CYB561D1: variants seen among roughly 807,000 people sequenced by gnomAD.
CYB561D1 encodes the protein cytochrome b561 family member D1.
Under a neutral mutation model 19.2 loss-of-function variants are expected in CYB561D1, and 15 were observed. The observed-to-expected ratio is 0.78, with a 90% confidence interval of 0.52 to 1.20. CYB561D1 has a LOEUF of 1.20. CYB561D1 is among the 50% of genes most tolerant of loss of function. CYB561D1 has a pLI of 0.00. For missense variants in CYB561D1, 297 were observed against 287.3 expected (o/e 1.03, Z -0.24); for synonymous variants, 133 against 120.6 (o/e 1.10, Z -0.68).
intron 1 of CYB561D1, chr1:109,494,759 C>T: frequency 4.6e-6 from 2 of 430,208 alleles, no homozygotes; most frequent in South Asian, 4.2e-5. Flanking sequence ...ATCGCTTGAA[C>T]CCGGGAGGTG....
At position 109,500,291 on chromosome 1, in the gene CYB561D1, C is replaced by T. The variant is rs1403043388; in HGVS notation, c.*4032C>T. 6.6e-6 allele frequency: 1 copy of T among 152,282 alleles called. No homozygotes were observed. Among genetic ancestry groups the T allele is most frequent in the Non-Finnish European group, 1.5e-5 (1 of 68,064 alleles). 9.4% of individuals were successfully genotyped at this position (152,282 alleles called of 1,614,324 possible). A position where few individuals can be genotyped will look rare whatever the true frequency, so the allele number is the denominator to read the frequency against. ...CTGGGAAACCTGCAGTATGGGTTTA[C>T]TCCGTCCCTATCACTGGTGTGGCTG... On this transcript the variant is annotated 3_prime_UTR_variant, in exon 3 of 3. Transcript: ENST00000420578.
rs1657638403 is a variant in CYB561D1, at chr1:109,497,558, A to G, written c.*1299A>G. 1.3e-5 allele frequency: 2 copies of G among 152,172 alleles called. No homozygotes were observed. The highest frequency in any genetic ancestry group is 1.3e-4 in the Admixed American group (2 of 15,276). The allele number at this position is 152,172 out of a possible 1,614,324, so 9.4% of individuals were successfully genotyped here. On this transcript the variant is annotated 3_prime_UTR_variant, in exon 3 of 3. Coordinates refer to ENST00000420578, the MANE Select transcript of CYB561D1 (RefSeq NM_182580.3). ...GTGAGGACTGGATGCTAGACTGCTG[A>G]GCTGTGGTCTGGGCTCAGTTGAGAA... is the stretch of plus-strand genomic sequence containing the variant.
Position 109,499,014 on chromosome 1 carries a change from G to A in CYB561D1, c.*2755G>A, listed in dbSNP as rs1314815041. ...GATTATATTCAGATTCAACCTTGAG[G>A]ACATTAGAAATATAGATGGCTTCTG... is the stretch of plus-strand genomic sequence containing the variant. On this transcript the variant is annotated 3_prime_UTR_variant, in exon 3 of 3. Coordinates refer to ENST00000420578, the MANE Select transcript of CYB561D1 (RefSeq NM_182580.3). 2 of 150,624 alleles carry A rather than the reference G, an allele frequency of 1.3e-5. No individual in the cohort carries two copies. The highest frequency in any genetic ancestry group is 1.5e-5 in the Non-Finnish European group (1 of 67,022). 9.3% of individuals were successfully genotyped at this position (150,624 alleles called of 1,614,324 possible). A position where few individuals can be genotyped will look rare whatever the true frequency, so the allele number is the denominator to read the frequency against.
Position 109,498,122 on chromosome 1 carries a change from T to G in CYB561D1, c.*1863T>G, listed in dbSNP as rs1408300065. ...ATCACAGCCAGTGCTGAGAGGCTCC[T>G]TCTACCTGCCGCAGGGTAGGAGGGC... is the stretch of plus-strand genomic sequence containing the variant. On this transcript the variant is annotated 3_prime_UTR_variant, in exon 3 of 3. Coordinates refer to ENST00000420578, the MANE Select transcript of CYB561D1 (RefSeq NM_182580.3). 3 of 152,146 alleles carry G rather than the reference T, an allele frequency of 2.0e-5. No homozygotes were observed. The highest frequency in any genetic ancestry group is 7.2e-5 in the African/African-American group (3 of 41,380). 9.4% of individuals were successfully genotyped at this position (152,146 alleles called of 1,614,324 possible). A position where few individuals can be genotyped will look rare whatever the true frequency, so the allele number is the denominator to read the frequency against.
rs764139302 is a variant in CYB561D1 at position 109,496,016 on chromosome 1, T to G, written c.447T>G (p.Leu149=). 2 of 1,608,966 alleles carry G rather than the reference T, an allele frequency of 1.2e-6. No individual in the cohort carries two copies. Among genetic ancestry groups the G allele is most frequent in the South Asian group, 2.2e-5 (2 of 90,782 alleles). ...AGGCACTGTGTGGGCTCTGCCTCCT[T>G]TGTCCCCGGGCAGCCAGGGTCTCAA... ...AVQALCGLCL[L]CPRAARVSRV... is the part of the protein sequence containing the mutation. Residue 149 remains leucine, a synonymous_variant, in exon 3 of 3, where the codon CTT becomes CTG. Transcript: ENST00000420578.
At position 109,496,360 on chromosome 1, in the gene CYB561D1, C is replaced by T; in HGVS notation, c.*101C>T. ...TATTTAAGAAGTGGTCAGGTTTTCG[C>T]ACTTCTTGGCTGGTCCAGGGACTGC... is the stretch of plus-strand genomic sequence containing the variant. On this transcript the variant is annotated 3_prime_UTR_variant, in exon 3 of 3. Coordinates refer to ENST00000420578, the MANE Select transcript of CYB561D1 (RefSeq NM_182580.3). 5 of 1,376,016 alleles carry T rather than the reference C, an allele frequency of 3.6e-6. No homozygotes were observed. The highest frequency in any genetic ancestry group is 4.9e-6 in the Non-Finnish European group (5 of 1,019,910). 85.2% of individuals were successfully genotyped at this position (1,376,016 alleles called of 1,614,324 possible). A position where few individuals can be genotyped will look rare whatever the true frequency, so the allele number is the denominator to read the frequency against.
rs1169872173 is a variant in CYB561D1, at chr1:109,494,145, G to T, written c.6G>T (p.Gln2His). M[Q>H]PLEVGLVPAP... ...CGGGCCCGCGGGCCACGGCCATGCA[G>T]CCCCTGGAGGTAGGTCTGGTTCCCG... The change falls in exon 1 of 3, where the codon CAG becomes CAT. Residue 2 changes from glutamine (Q) to histidine (H), a missense_variant. By Grantham distance (24) the Gln-to-His change is conservative (BLOSUM62 0). Transcript: ENST00000420578. The T allele has an allele frequency of 3.3e-6, 5 of 1,526,086 alleles. No homozygotes were observed. The highest frequency in any genetic ancestry group is 1.4e-5 in the African/African-American group (1 of 72,710). 94.5% of individuals were successfully genotyped at this position (1,526,086 alleles called of 1,614,324 possible).
At position 109,495,895 on chromosome 1, in the gene CYB561D1, G is replaced by A. The variant is rs1657516348; in HGVS notation, c.326G>A (p.Gly109Asp). The change falls in exon 3 of 3, where the codon GGC (glycine) becomes GAC (aspartate). Residue 109 changes from glycine to aspartate, a missense_variant. Gly to Asp is a moderately conservative substitution (Grantham distance 94). Transcript: ENST00000420578. ...LAILCAALGL[G>D]FIISSRTRSE... is the part of the protein sequence containing the mutation. ...ATCCTCTGTGCAGCTCTGGGCCTGG[G>A]CTTCATCATCTCCAGCAGGACCCGC... 6.2e-7 allele frequency: 1 copy of A among 1,613,830 alleles called. No homozygotes were observed. Among genetic ancestry groups the A allele is most frequent in the Non-Finnish European group, 8.5e-7 (1 of 1,180,048 alleles).
In CYB561D1 at chr1:109,495,300, G is replaced by A. The variant is rs532508633; in HGVS notation, c.186+120G>A. 9 of 1,195,386 alleles carry A rather than the reference G, an allele frequency of 7.5e-6. No homozygotes were observed. In the African/African-American group the frequency reaches 1.4e-4, roughly 18 times the overall value. 74.0% of individuals were successfully genotyped at this position (1,195,386 alleles called of 1,614,324 possible). ...CTAAGACAGGTGGAGGAAACATCTA[G>A]GGCTCATCTTTCCCTGCAGCCTATG... On this transcript the variant is annotated intron_variant, in intron 2 of 2. Coordinates refer to ENST00000420578, the MANE Select transcript of CYB561D1 (RefSeq NM_182580.3).
intron 1 of CYB561D1, 123 bp downstream of exon 1, chr1:109,494,410 A>T (rs1657367930): frequency 1.3e-6 from 2 of 1,538,086 alleles, no homozygotes. Flanking sequence ...GAAACAGTGG[A>T]GGGATTTTGA....
At chr1:109,495,558 A>C (rs928730220) in intron 2 of CYB561D1, 198 bp from the exon 3 acceptor site, 1 of 998,252 alleles carries the variant, frequency 1.0e-6, no homozygotes, top group Non-Finnish European at 1.4e-6. Flanking sequence ...GGAGATGTCA[A>C]CCTGAATGAG....
intron 2 of CYB561D1, 182 bp from the exon 3 acceptor site, chr1:109,495,574 G>A (rs537894573): frequency 3.6e-5 from 41 of 1,138,352 alleles, no homozygotes; most frequent in Admixed American, 2.6e-4. Context: ...ATGAGGAGAC[G>A]TGCACTCAAG....
rs1657333808 is a variant in CYB561D1 at position 109,494,149 on chromosome 1, C to G, written c.10C>G (p.Leu4Val). Residue 4 changes from leucine to valine, a missense_variant, in exon 1 of 3, where the codon CTG becomes GTG. By Grantham distance (32) the Leu-to-Val change is conservative. Coordinates refer to ENST00000420578, the MANE Select transcript of CYB561D1 (RefSeq NM_182580.3). MQP[L>V]EVGLVPAPAG... ...CCCGCGGGCCACGGCCATGCAGCCC[C>G]TGGAGGTAGGTCTGGTTCCCGCTCC... 1.3e-6 allele frequency: 2 copies of G among 1,532,192 alleles called. No individual in the cohort carries two copies. Among genetic ancestry groups the G allele is most frequent in the Middle Eastern group, 1.7e-4 (1 of 5,842 alleles). 94.9% of individuals were successfully genotyped at this position (1,532,192 alleles called of 1,614,324 possible).
Position 109,498,609 on chromosome 1 carries a change from G to A in CYB561D1, c.*2350G>A, listed in dbSNP as rs1293558504. ...GCAGCTGGACAGCCATTAGACCTCAGTGCCAGGGCACTCTTCCTCCAGCTG... is the reference window on the plus strand; with the variant it reads ...GCAGCTGGACAGCCATTAGACCTCAATGCCAGGGCACTCTTCCTCCAGCTG... On this transcript the variant is annotated 3_prime_UTR_variant, in exon 3 of 3. Transcript: ENST00000420578. 6.6e-6 allele frequency: 1 copy of A among 152,136 alleles called. No individual in the cohort carries two copies. The highest frequency in any genetic ancestry group is 1.9e-4 in the East Asian group (1 of 5,182). The allele number at this position is 152,136 out of a possible 1,614,324, so 9.4% of individuals were successfully genotyped here. A position where few individuals can be genotyped will look rare whatever the true frequency, so the allele number is the denominator to read the frequency against.
In CYB561D1 at chr1:109,495,817, T is replaced by C; in HGVS notation, c.248T>C (p.Phe83Ser). 6.2e-7 allele frequency: 1 copy of C among 1,614,092 alleles called. No individual in the cohort carries two copies. The highest frequency in any genetic ancestry group is 2.2e-5 in the East Asian group (1 of 44,880). The change falls in exon 3 of 3, where the codon TTC (phenylalanine) becomes TCC (serine). Residue 83 changes from phenylalanine (F) to serine (S), a missense_variant. By Grantham distance (155) the Phe-to-Ser change is radical. Coordinates refer to ENST00000420578, the MANE Select transcript of CYB561D1 (RefSeq NM_182580.3). ...TCACCTGAACACTCCCTGTTCTTCT[T>C]CTGCTCCCGAAAAGCACGGATCCGG... ...LFSPEHSLFF[F>S]CSRKARIRLH...
At position 109,497,567 on chromosome 1, in the gene CYB561D1, C is replaced by T. The variant is rs935478099; in HGVS notation, c.*1308C>T. ...GGATGCTAGACTGCTGAGCTGTGGT[C>T]TGGGCTCAGTTGAGAAGATAGGATC... On this transcript the variant is annotated 3_prime_UTR_variant, in exon 3 of 3. Transcript: ENST00000420578. 2.6e-5 allele frequency: 4 copies of T among 152,398 alleles called. No homozygotes were observed. In the South Asian group the frequency reaches 6.2e-4, roughly 24 times the overall value. The allele number at this position is 152,398 out of a possible 1,614,324, so 9.4% of individuals were successfully genotyped here.
rs1657338057 is a variant in CYB561D1 at position 109,494,181 on chromosome 1, G to A, written c.42G>A (p.Gly14=). The A allele has an allele frequency of 2.6e-6, 4 of 1,552,672 alleles. No homozygotes were observed. The highest frequency in any genetic ancestry group is 3.5e-6 in the Non-Finnish European group (4 of 1,147,544). Reference sequence around the variant, plus strand: ...TAGGTCTGGTTCCCGCTCCAGCTGGGGAGCCGAGACTGACCCGCTGGCTGC... The same window carrying A: ...TAGGTCTGGTTCCCGCTCCAGCTGGAGAGCCGAGACTGACCCGCTGGCTGC... ...LEVGLVPAPA[G]EPRLTRWLRR... is the part of the protein sequence containing the mutation. Residue 14 remains glycine, a synonymous_variant, in exon 1 of 3, where the codon GGG becomes GGA. Coordinates refer to ENST00000420578, the MANE Select transcript of CYB561D1 (RefSeq NM_182580.3).
At chr1:109,494,436 G>A in intron 1 of CYB561D1, 149 bp downstream of exon 1, 1 of 1,546,338 alleles carries the variant, frequency 6.5e-7, no homozygotes, top group Non-Finnish European at 8.7e-7. Context: ...TGGTGGGGCG[G>A]GGCCCCAGGG....
At position 109,500,144 on chromosome 1, in the gene CYB561D1, T is replaced by G. The variant is rs1657818062; in HGVS notation, c.*3885T>G. 1 of 152,226 alleles carries G rather than the reference T, an allele frequency of 6.6e-6. No individual in the cohort carries two copies. Among genetic ancestry groups the G allele is most frequent in the East Asian group, 1.9e-4 (1 of 5,196 alleles). 9.4% of individuals were successfully genotyped at this position (152,226 alleles called of 1,614,324 possible). ...GTCTTGATGCCTCAAGCCCAGCATT[T>G]CTGGGTCCCCTCTGCAAGCTCAGAG... On this transcript the variant is annotated 3_prime_UTR_variant, in exon 3 of 3. Coordinates refer to ENST00000420578, the MANE Select transcript of CYB561D1 (RefSeq NM_182580.3).
Sources: allele counts gnomAD v4.1 joint callset, GRCh38; gene constraint gnomAD v4.1.1; transcripts MANE v1.5; gene names NCBI Gene and HGNC (gene_info 2026-07-23, HGNC 2026-07-21).